Variants in TAFA5 observed in about 807,000 individuals in gnomAD.
TAFA5 encodes the protein chemokine-like protein TAFA-5.
Under a neutral mutation model 15.3 loss-of-function variants are expected in TAFA5, and 6 were observed. The observed-to-expected ratio is 0.39, with a 90% confidence interval of 0.21 to 0.77. TAFA5 has a LOEUF of 0.77. TAFA5 is among the 30% of genes least tolerant of loss of function. The probability of loss-of-function intolerance (pLI) is 0.41; values close to 1 mark genes in which losing one functional copy is unlikely to be tolerated. For synonymous variants in TAFA5, 103 were observed against 80.7 expected (o/e 1.28, Z -1.48); for missense variants, 161 against 193.1 (o/e 0.83, Z 0.98).
chr22:48,658,059 C>T (rs1036808788), intron 2 of TAFA5, among the ~76,000 whole-genome samples: 1 of 152,168 alleles, frequency 6.6e-6, no homozygotes, highest in Non-Finnish European at 1.5e-5. Flanking sequence ...TCCAGGAAGC[C>T]GAGAGCTGAG....
chr22:48,685,848 TGTG>T lies in TAFA5; in HGVS notation c.263-21866_263-21864del, dbSNP rs781081943. 9.9e-5 allele frequency among the ~76,000 whole-genome samples: 15 copies of T among 152,264 alleles called. No individual in the cohort carries two copies. The East Asian group carries it at 1.9e-3, about 20-fold the overall frequency. ...TCCATCACCACTGGTCATCCTTCCTTGTGGTTCCAGAAGCTAAGAGGAGGGCAG... is the reference window on the plus strand; with the variant it reads ...TCCATCACCACTGGTCATCCTTCCTTGTTCCAGAAGCTAAGAGGAGGGCAG... On this transcript the variant is annotated intron_variant, in intron 2 of 3. Coordinates refer to ENST00000402357, the MANE Select transcript of TAFA5 (RefSeq NM_001082967.3).
chr22:48,661,360 C>G (rs1317430611), intron 2 of TAFA5, among the ~76,000 whole-genome samples: 4 of 152,336 alleles, frequency 2.6e-5, no homozygotes, highest in Non-Finnish European at 5.9e-5. Context: ...CAGAAGAAGG[C>G]TGGGCTGAAT....
intron 1 of TAFA5, among the ~76,000 whole-genome samples, chr22:48,622,301 T>C (rs1473327124): frequency 6.6e-6 from 1 of 152,170 alleles, no homozygotes; most frequent in Non-Finnish European, 1.5e-5. Context: ...AGTGGCTGTT[T>C]CACATGGGGG....
rs1223042941 is a variant in TAFA5 at position 48,656,755 on chromosome 22, C to CT, written c.262+10035dup. 6.8e-3 allele frequency among the ~76,000 whole-genome samples: 101 copies of CT among 14,882 alleles called. 3 individuals carry two copies. The highest frequency in any genetic ancestry group is 0.016 in the Non-Finnish European group (84 of 5,320). 9.8% of individuals were successfully genotyped at this position (14,882 alleles called of 152,430 possible). A position where few individuals can be genotyped will look rare whatever the true frequency, so the allele number is the denominator to read the frequency against. ...TTTTTTTTCTTTTGAGATGGAGTCT[C>CT]TTTTTTTTTTTTTTTTTTTTTTTTT... is the stretch of plus-strand genomic sequence containing the variant. On this transcript the variant is annotated intron_variant, in intron 2 of 3. Coordinates refer to ENST00000402357, the MANE Select transcript of TAFA5 (RefSeq NM_001082967.3).
chr22:48,611,392 T>C (rs563193241), intron 1 of TAFA5, among the ~76,000 whole-genome samples: 28 of 152,356 alleles, frequency 1.8e-4, no homozygotes, highest in African/African-American at 6.5e-4. Context: ...AACTCACTTA[T>C]TCAGCATTCG....
intron 2 of TAFA5, among the ~76,000 whole-genome samples, chr22:48,676,055 G>A (rs1023643281): frequency 1.3e-5 from 2 of 151,822 alleles, no homozygotes; most frequent in Non-Finnish European, 2.9e-5. Context: ...GACCATTTGA[G>A]GCTTGGAATA....
chr22:48,703,145 G>A (rs1569086420), intron 2 of TAFA5, among the ~76,000 whole-genome samples: 1 of 151,988 alleles, frequency 6.6e-6, no homozygotes, highest in Non-Finnish European at 1.5e-5. Context: ...CATGTAAATG[G>A]GCATGTGTGT....
intron 3 of TAFA5, among the ~76,000 whole-genome samples, chr22:48,738,961 C>T (rs1268072082): frequency 1.3e-5 from 2 of 152,332 alleles, no homozygotes; most frequent in African/African-American, 2.4e-5. Context: ...CCAAGCCACC[C>T]CTCGTATGAG....
intron 1 of TAFA5, among the ~76,000 whole-genome samples, chr22:48,546,310 T>C (rs934105572): frequency 3.3e-5 from 5 of 152,326 alleles, no homozygotes; most frequent in Admixed American, 2.6e-4. Context: ...GTCCTCATGT[T>C]GTGCCTGCCC....
At chr22:48,662,743 A>G (rs765741098) in intron 2 of TAFA5, among the ~76,000 whole-genome samples, 1 of 151,946 alleles carries the variant, frequency 6.6e-6, no homozygotes, top group Non-Finnish European at 1.5e-5. Flanking sequence ...GGGAGTGTTG[A>G]GGTCACCAGG....
intron 3 of TAFA5, among the ~76,000 whole-genome samples, chr22:48,717,497 G>A (rs1235996802): frequency 6.6e-6 from 1 of 152,220 alleles, no homozygotes; most frequent in Non-Finnish European, 1.5e-5. Context: ...ATTCGCAAAT[G>A]AATTCCAAAT....
At chr22:48,702,838 C>CT (rs1181632159) in intron 2 of TAFA5, among the ~76,000 whole-genome samples, 4 of 152,250 alleles carry the variant, frequency 2.6e-5, no homozygotes, top group African/African-American at 9.6e-5. Flanking sequence ...CGCTGTGCCT[C>CT]TGACCGTCTC....
chr22:48,645,944 ACG>A (rs1286455930), intron 1 of TAFA5, among the ~76,000 whole-genome samples: 2 of 151,516 alleles, frequency 1.3e-5, no homozygotes, highest in Admixed American at 6.6e-5. Flanking sequence ...GTTTGCACAC[ACG>A]TACATGCACA....
intron 1 of TAFA5, among the ~76,000 whole-genome samples, chr22:48,500,673 A>G (rs1026566789): frequency 6.6e-6 from 1 of 152,220 alleles, no homozygotes; most frequent in Non-Finnish European, 1.5e-5. Flanking sequence ...TCCCGTGACG[A>G]CGTGGCTAAT....
At chr22:48,639,952 G>A (rs1462831952) in intron 1 of TAFA5, among the ~76,000 whole-genome samples, 2 of 149,592 alleles carry the variant, frequency 1.3e-5, no homozygotes, top group Admixed American at 1.3e-4. Flanking sequence ...CCCCAACCCC[G>A]CCGCCCAAGG....
chr22:48,712,766 G>A (rs536092600), intron 3 of TAFA5, among the ~76,000 whole-genome samples: 76 of 152,328 alleles, frequency 5.0e-4, no homozygotes, highest in African/African-American at 1.5e-3. Flanking sequence ...CTGCTCCCTG[G>A]GGACAGGCCT....
At chr22:48,710,140 T>C (rs566947381) in intron 3 of TAFA5, among the ~76,000 whole-genome samples, 8 of 152,132 alleles carry the variant, frequency 5.3e-5, no homozygotes, top group African/African-American at 1.7e-4. Flanking sequence ...AGGCTTCTCC[T>C]GTGCAGCTCT....
chr22:48,489,713 C>G lies in TAFA5; in HGVS notation c.112+9C>G. ...GCTCATCGCCTACTGCAGTGAGTAC[C>G]GCGCGGCCCCGGCCCCGGCACGGCC... On this transcript the variant is annotated intron_variant, in intron 1 of 3. Coordinates refer to ENST00000402357, the MANE Select transcript of TAFA5 (RefSeq NM_001082967.3). The surrounding 1 kb of genome is among the most constrained non-coding windows in gnomAD (Gnocchi z 5.5). The G allele has an allele frequency of 6.9e-7, 1 of 1,439,264 alleles. No homozygotes were observed. Among genetic ancestry groups the G allele is most frequent in the East Asian group, 3.0e-5 (1 of 32,824 alleles). 89.2% of individuals were successfully genotyped at this position (1,439,264 alleles called of 1,614,324 possible). A position where few individuals can be genotyped will look rare whatever the true frequency, so the allele number is the denominator to read the frequency against.
intron 1 of TAFA5, among the ~76,000 whole-genome samples, chr22:48,588,698 C>T (rs1164660472): frequency 1.3e-5 from 2 of 152,118 alleles, no homozygotes; most frequent in Non-Finnish European, 2.9e-5. Context: ...CTGTGGCCTC[C>T]CGGTTGGGGC....
Sources: gnomAD v4.1 joint callset for allele counts (sites outside exome capture counted in the v4.1 genomes callset) on GRCh38, gnomAD v4.1.1 for gene constraint, Gnocchi (gnomAD v3.1) non-coding constraint, MANE v1.5 for transcripts, NCBI Gene and HGNC (gene_info 2026-07-23, HGNC 2026-07-21) for gene names.